The following FCRL4 variants were observed in gnomAD, a reference collection of about 807,000 sequenced individuals.
The protein encoded by FCRL4 is Fc receptor-like protein 4.
A neutral mutation model predicts 64.1 loss-of-function variants in FCRL4; 43 were observed. That is an observed-to-expected ratio of 0.67 (90% confidence interval 0.53 to 0.87). The LOEUF is 0.87. Ranked by LOEUF, FCRL4 falls within the 40% of genes least tolerant of loss-of-function variation. The probability of loss-of-function intolerance (pLI) is 0.00; values close to 1 mark genes in which losing one functional copy is unlikely to be tolerated. For missense variants in FCRL4, 656 were observed against 613.5 expected, an observed-to-expected ratio of 1.07 and a Z score of -0.73; for synonymous variants, 253 against 239.8, an observed-to-expected ratio of 1.05 and a Z score of -0.51.
chr1:157,597,124 C>T (rs1396116121), intron 1 of FCRL4, among the ~76,000 whole-genome samples: 1 of 152,122 alleles, frequency 6.6e-6, no homozygotes, highest in Admixed American at 6.5e-5. Context: ...TTGAGAATGT[C>T]ACCTCTTGAG....
chr1:157,578,960 C>A (rs1652483418), intron 8 of FCRL4, 108 bp from the exon 9 acceptor site: 4 of 846,780 alleles, frequency 4.7e-6, no homozygotes, highest in Non-Finnish European at 7.3e-6. Context: ...AGAAAGTCAG[C>A]AGCCAGTAGG....
At chr1:157,584,215 T>G (rs1652623299) in intron 6 of FCRL4, among the ~76,000 whole-genome samples, 1 of 152,190 alleles carries the variant, frequency 6.6e-6, no homozygotes, top group African/African-American at 2.4e-5. Flanking sequence ...TACTCTGGAT[T>G]TCAGGGCATT....
Position 157,589,397 on chromosome 1 carries a change from C to G in FCRL4, c.114G>C (p.Glu38Asp). The change falls in exon 3 of 12, where the codon GAG becomes GAC. Residue 38 changes from glutamate (E) to aspartate (D), a missense_variant. By Grantham distance (45) the Glu-to-Asp change is conservative (BLOSUM62 2). Coordinates refer to ENST00000271532, the MANE Select transcript of FCRL4 (RefSeq NM_031282.3). ...ATCCATTGCAAGTCAGAGTCACTCT[C>G]TCTCCTTTGAAGAATGTGGTCCATG... Reference protein sequence around the residue: ...HPPWTTFFKGERVTLTCNGFQ... With the variant: ...HPPWTTFFKGDRVTLTCNGFQ... The G allele has an allele frequency of 1.2e-6, 2 of 1,614,156 alleles. No individual in the cohort carries two copies. The highest frequency in any genetic ancestry group is 1.7e-6 in the Non-Finnish European group (2 of 1,180,024).
intron 1 of FCRL4, among the ~76,000 whole-genome samples, chr1:157,597,571 C>T (rs1018696763): frequency 6.6e-6 from 1 of 152,204 alleles, no homozygotes; most frequent in Non-Finnish European, 1.5e-5. Context: ...TTATCCTTCA[C>T]AAATAACTCA....
chr1:157,593,197 G>C (rs2758673), intron 2 of FCRL4, among the ~76,000 whole-genome samples: 1 of 152,130 alleles, frequency 6.6e-6, no homozygotes, highest in African/African-American at 2.4e-5. Context: ...TAACAAACCT[G>C]CATGTTGTGC....
At chr1:157,596,957 A>G (rs1207184299) in intron 1 of FCRL4, among the ~76,000 whole-genome samples, 1 of 152,204 alleles carries the variant, frequency 6.6e-6, no homozygotes, top group Non-Finnish European at 1.5e-5. Context: ...AGAGAATTGG[A>G]TACATTTATA....
Position 157,586,389 on chromosome 1 carries a change from A to G in FCRL4, c.914T>C (p.Met305Thr), listed in dbSNP as rs768464492. ...PSGGQAVEGEMLVLVCSVAEG... is the reference protein window; with the variant it reads ...PSGGQAVEGETLVLVCSVAEG... Reference sequence around the variant, plus strand: ...AGCCACGGAGCAGACAAGGACCAGCATCTCCCCTTCAACAGCCTGGCCCCC... The same window carrying G: ...AGCCACGGAGCAGACAAGGACCAGCGTCTCCCCTTCAACAGCCTGGCCCCC... Residue 305 changes from methionine to threonine, a missense_variant, in exon 6 of 12, where the codon ATG (methionine) becomes ACG (threonine). By Grantham distance (81) the Met-to-Thr change is moderately conservative. Transcript: ENST00000271532. 6.2e-7 allele frequency: 1 copy of G among 1,613,110 alleles called. No homozygotes were observed. Among genetic ancestry groups the G allele is most frequent in the Non-Finnish European group, 8.5e-7 (1 of 1,179,936 alleles).
chr1:157,582,284 A>G (rs1262039766), intron 6 of FCRL4, among the ~76,000 whole-genome samples: 2 of 152,200 alleles, frequency 1.3e-5, no homozygotes, highest in African/African-American at 4.8e-5. Flanking sequence ...ACTTATTTAT[A>G]CAACAAATAT....
At chr1:157,580,664 C>T in intron 7 of FCRL4, 1 of 327,226 alleles carries the variant, frequency 3.1e-6, no homozygotes, top group South Asian at 3.3e-5. Flanking sequence ...TGTGGGTGAA[C>T]TTCGAGGAAC....
intron 8 of FCRL4, 27 bp from the exon 9 acceptor site, chr1:157,578,879 T>A (rs1885561): frequency 0.37 from 583,305 of 1,570,410 alleles, 115,196 homozygotes; most frequent in African/African-American, 0.74. Flanking sequence ...CACATAATAA[T>A]CCCTGGAACA....
At chr1:157,586,517 G>A in intron 5 of FCRL4, 62 bp from the exon 6 acceptor site, 1 of 1,490,688 alleles carries the variant, frequency 6.7e-7, no homozygotes, top group East Asian at 2.3e-5. Context: ...CTAGGTAGCT[G>A]GGGTGTTGGG....
chr1:157,575,258 C>G lies in FCRL4; in HGVS notation c.*266G>C. ...TCTCTAAAGCAGACCCTAGGGAATA[C>G]ATTAGGTCAGGCCCACAGCAAATAC... On this transcript the variant is annotated 3_prime_UTR_variant, in exon 12 of 12. Transcript: ENST00000271532. 2.0e-6 allele frequency: 1 copy of G among 496,844 alleles called. No homozygotes were observed. The highest frequency in any genetic ancestry group is 3.7e-6 in the Non-Finnish European group (1 of 272,688). The allele number at this position is 496,844 out of a possible 1,614,324, so 30.8% of individuals were successfully genotyped here. A position where few individuals can be genotyped will look rare whatever the true frequency, so the allele number is the denominator to read the frequency against.
At chr1:157,589,623 G>C (rs1652791139) in intron 2 of FCRL4, among the ~76,000 whole-genome samples, 165 bp from the exon 3 acceptor site, 1 of 152,226 alleles carries the variant, frequency 6.6e-6, no homozygotes, top group African/African-American at 2.4e-5. Flanking sequence ...CCTCCTGCAG[G>C]GTGCAGTGGC....
intron 2 of FCRL4, among the ~76,000 whole-genome samples, chr1:157,589,682 C>A (rs949844963): frequency 6.6e-6 from 1 of 152,188 alleles, no homozygotes; most frequent in African/African-American, 2.4e-5. Context: ...GGGGGGCAGC[C>A]CTGGCAGGAT....
intron 6 of FCRL4, among the ~76,000 whole-genome samples, chr1:157,585,668 C>T (rs377645143): frequency 4.2e-4 from 64 of 152,172 alleles, no homozygotes; most frequent in African/African-American, 1.5e-3. Flanking sequence ...AGTTTCCTGA[C>T]CCACATACAA....
intron 7 of FCRL4, chr1:157,580,673 A>C (rs1652540256): frequency 6.1e-6 from 2 of 325,318 alleles, no homozygotes; most frequent in Non-Finnish European, 1.2e-5. Context: ...ACTTCGAGGA[A>C]CATCTGTGGC....
In FCRL4 at chr1:157,578,511, A is replaced by G; in HGVS notation, c.1392T>C (p.Ser464=). 1 of 1,614,030 alleles carries G rather than the reference A, an allele frequency of 6.2e-7. No homozygotes were observed. The highest frequency in any genetic ancestry group is 8.5e-7 in the Non-Finnish European group (1 of 1,179,858). Reference sequence around the variant, plus strand: ...CTCCCAGCTGAGTAGTCTGGATCTCAGAGTATACCAAATCTCCCTTTTTGG... The same window carrying G: ...CTCCCAGCTGAGTAGTCTGGATCTCGGAGTATACCAAATCTCCCTTTTTGG... The part of the protein sequence containing the change: ...VHPKKGDLVY[S]EIQTTQLGEE... The change falls in exon 10 of 12, where the codon TCT becomes TCC. Residue 464 remains serine, a synonymous_variant. Coordinates refer to ENST00000271532, the MANE Select transcript of FCRL4 (RefSeq NM_031282.3).
chr1:157,580,331 C>G lies in FCRL4; in HGVS notation c.1267G>C (p.Asp423His). The G allele has an allele frequency of 1.9e-6, 3 of 1,614,146 alleles. No individual in the cohort carries two copies. The highest frequency in any genetic ancestry group is 2.5e-6 in the Non-Finnish European group (3 of 1,180,006). The change falls in exon 8 of 12, where the codon GAC (aspartate) becomes CAC (histidine). Residue 423 changes from aspartate to histidine, a missense_variant. By Grantham distance (81) the Asp-to-His change is moderately conservative. Coordinates refer to ENST00000271532, the MANE Select transcript of FCRL4 (RefSeq NM_031282.3). ...RRKSGVGFLGDETRLPPAPGP... is the reference protein window; with the variant it reads ...RRKSGVGFLGHETRLPPAPGP... The stretch of plus-strand genomic sequence containing the variant: ...AAACTGAGGTCTCACCTGGTTTCGT[C>G]TCCCAAGAAACCAACTCCTGCAAAA...
intron 1 of FCRL4, among the ~76,000 whole-genome samples, chr1:157,597,600 G>A (rs1335212217): frequency 6.6e-6 from 1 of 152,084 alleles, no homozygotes; most frequent in Non-Finnish European, 1.5e-5. Context: ...TTTCCTCTGG[G>A]TCCTCATGCT....
Sources: gnomAD v4.1 joint callset for allele counts (sites outside exome capture counted in the v4.1 genomes callset) on GRCh38, gnomAD v4.1.1 for gene constraint, MANE v1.5 for transcripts, NCBI Gene and HGNC (gene_info 2026-07-23, HGNC 2026-07-21) for gene names.